The following NLRP1 variants were observed in gnomAD, a reference collection of about 807,000 sequenced individuals.
NLRP1 encodes the protein NLR family pyrin domain containing 1.
A neutral mutation model predicts 136.7 loss-of-function variants in NLRP1; 94 were observed. The ratio of observed to expected loss-of-function variants is 0.69; its 90% CI spans 0.58 to 0.82. The LOEUF is 0.82. Ranked by LOEUF, NLRP1 falls within the 40% of genes least tolerant of loss-of-function variation. The pLI, the probability that NLRP1 is intolerant of heterozygous loss-of-function variation, is 0.00. For missense variants in NLRP1, 1,575 were observed against 1,802.7 expected (o/e 0.87, Z 2.29); for synonymous variants, 690 against 725.1 (o/e 0.95, Z 0.78).
intron 14 of NLRP1, 32 bp downstream of exon 14, chr17:5,520,849 C>T (rs200635619): frequency 2.0e-5 from 30 of 1,517,634 alleles, no homozygotes; most frequent in Admixed American, 3.9e-5. Flanking sequence ...GACTTCTGTT[C>T]GCAGTGAAGA....
chr17:5,527,771 A>C (rs1457653011), intron 12 of NLRP1, among the ~76,000 whole-genome samples: 1 of 152,156 alleles, frequency 6.6e-6, no homozygotes, highest in Non-Finnish European at 1.5e-5. Flanking sequence ...TCCTATTCTG[A>C]TTTGGCTGTC....
At chr17:5,556,115 T>TAA (rs375249216) in intron 4 of NLRP1, among the ~76,000 whole-genome samples, 1 of 119,008 alleles carries the variant, frequency 8.4e-6, no homozygotes, top group Non-Finnish European at 1.7e-5. Context: ...TCTCTCTCTC[T>TAA]ACACACACAC....
intron 8 of NLRP1, among the ~76,000 whole-genome samples, chr17:5,534,784 G>A (rs1910809556): frequency 6.6e-6 from 1 of 152,188 alleles, no homozygotes; most frequent in African/African-American, 2.4e-5. Flanking sequence ...GGGGAAAATG[G>A]AAAGTTTTTA....
Position 5,533,769 on chromosome 17 carries a change from A to T in NLRP1, c.3052+128T>A, listed in dbSNP as rs1347559063. Reference sequence around the variant, plus strand: ...GGAGTGGGAGCTCTCTCGTGGGGGTAGCACCCTCTTGGGTAGGAAACCTGC... The same window carrying T: ...GGAGTGGGAGCTCTCTCGTGGGGGTTGCACCCTCTTGGGTAGGAAACCTGC... On this transcript the variant is annotated intron_variant, in intron 9 of 16. Transcript: ENST00000572272. 2.2e-5 allele frequency: 15 copies of T among 696,816 alleles called. No homozygotes were observed. The East Asian group carries it at 3.3e-4, about 15-fold the overall frequency. The allele number at this position is 696,816 out of a possible 1,614,324, so 43.2% of individuals were successfully genotyped here. A position where few individuals can be genotyped will look rare whatever the true frequency, so the allele number is the denominator to read the frequency against.
At chr17:5,529,517 G>A (rs1275692505) in intron 12 of NLRP1, among the ~76,000 whole-genome samples, 1 of 151,938 alleles carries the variant, frequency 6.6e-6, no homozygotes, top group African/African-American at 2.4e-5. Flanking sequence ...ACAGGCGCCT[G>A]CCGCCACGCC....
intron 3 of NLRP1, among the ~76,000 whole-genome samples, chr17:5,563,448 G>C (rs1428312290): frequency 6.6e-6 from 1 of 152,204 alleles, no homozygotes; most frequent in African/African-American, 2.4e-5. Context: ...ATCTGATAGA[G>C]CTGGAAATCT....
At position 5,534,104 on chromosome 17, in the gene NLRP1, G is replaced by C. The variant is rs896494014; in HGVS notation, c.2961-116C>G. ...GGGTCGGGTGCAGTGGCTCATGTCT[G>C]TAATCCTCGCACTTTGGGAGGCCGG... On this transcript the variant is annotated intron_variant, in intron 8 of 16. Transcript: ENST00000572272. 8.9e-6 allele frequency: 7 copies of C among 782,152 alleles called. No individual in the cohort carries two copies. In the African/African-American group the frequency reaches 1.2e-4, roughly 13 times the overall value. 48.5% of individuals were successfully genotyped at this position (782,152 alleles called of 1,614,324 possible).
chr17:5,550,292 T>C (rs2151789902), intron 5 of NLRP1, among the ~76,000 whole-genome samples: 1 of 152,326 alleles, frequency 6.6e-6, no homozygotes, highest in East Asian at 1.9e-4. Context: ...CTTTAAATAT[T>C]TGGTAGAATT....
At chr17:5,526,872 C>T (rs1414040872) in intron 12 of NLRP1, among the ~76,000 whole-genome samples, 4 of 152,234 alleles carry the variant, frequency 2.6e-5, no homozygotes, top group Non-Finnish European at 4.4e-5. Context: ...CTGAAAGCCT[C>T]AAGCTCTAGC....
chr17:5,555,182 T>C (rs1188755522), intron 4 of NLRP1, among the ~76,000 whole-genome samples: 1 of 152,178 alleles, frequency 6.6e-6, no homozygotes, highest in Non-Finnish European at 1.5e-5. Context: ...TCAAGGTGAC[T>C]GAAAAAAAAT....
chr17:5,547,210 G>T (rs1912783440), intron 5 of NLRP1, among the ~76,000 whole-genome samples: 1 of 151,730 alleles, frequency 6.6e-6, no homozygotes, highest in Admixed American at 6.6e-5. Flanking sequence ...TAAATACATA[G>T]CATACATGAC....
chr17:5,563,787 C>A (rs1323107225), intron 3 of NLRP1, among the ~76,000 whole-genome samples: 1 of 152,212 alleles, frequency 6.6e-6, no homozygotes, highest in African/African-American at 2.4e-5. Context: ...TTGTGAGATA[C>A]TATACAAGAC....
Position 5,581,875 on chromosome 17 carries a change from T to C in NLRP1, c.636A>G (p.Ser212=). Residue 212 remains serine (S), a synonymous_variant, in exon 3 of 17, where the codon TCA becomes TCG. Coordinates refer to ENST00000572272, the MANE Select transcript of NLRP1 (RefSeq NM_033004.4). ...PGTQWPLDET[S]GIYYTEIRER... Reference sequence around the variant, plus strand: ...GGGTCTCACCTGTGTAGTAAATTCCTGACGTTTCATCCAGAGGCCATTGGG... The same window carrying C: ...GGGTCTCACCTGTGTAGTAAATTCCCGACGTTTCATCCAGAGGCCATTGGG... 1 of 1,612,524 alleles carries C rather than the reference T, an allele frequency of 6.2e-7. No individual in the cohort carries two copies. Among genetic ancestry groups the C allele is most frequent in the South Asian group, 1.1e-5 (1 of 91,024 alleles).
chr17:5,568,034 G>A (rs545432007), intron 3 of NLRP1, among the ~76,000 whole-genome samples: 2 of 152,076 alleles, frequency 1.3e-5, no homozygotes, highest in African/African-American at 4.8e-5. Flanking sequence ...AATGCCTTGA[G>A]GTAGTCTACT....
chr17:5,573,449 G>A (rs1236457924), intron 3 of NLRP1, among the ~76,000 whole-genome samples: 1 of 152,200 alleles, frequency 6.6e-6, no homozygotes, highest in Non-Finnish European at 1.5e-5. Flanking sequence ...GTCCCTGTTT[G>A]ACAGCTTTGA....
intron 5 of NLRP1, among the ~76,000 whole-genome samples, chr17:5,543,894 T>C (rs1019461685): frequency 2.0e-5 from 3 of 152,034 alleles, no homozygotes; most frequent in African/African-American, 7.2e-5. Flanking sequence ...GTCAGTTTCA[T>C]TGGTGTACAA....
In NLRP1 at chr17:5,536,960, C is replaced by A. The variant is rs202050589; in HGVS notation, c.2871-20G>T. ...TCCAGCCTGAAAGCACAAAGGGAGC[C>A]GGGTCCTCCTGGGATCCCCCATGTG... On this transcript the variant is annotated intron_variant, in intron 7 of 16. Coordinates refer to ENST00000572272, the MANE Select transcript of NLRP1 (RefSeq NM_033004.4). 1 of 1,584,898 alleles carries A rather than the reference C, an allele frequency of 6.3e-7. No homozygotes were observed. The highest frequency in any genetic ancestry group is 8.7e-7 in the Non-Finnish European group (1 of 1,153,612).
chr17:5,511,780 C>T (rs560904239), downstream of NLRP1, among the ~76,000 whole-genome samples: 6,229 of 140,568 alleles, frequency 0.044, 155 homozygotes, highest in African/African-American at 0.082. Context: ...TCTCTTTCTT[C>T]TTTCTTTCTC....
At chr17:5,556,614 A>G (rs140308958) in intron 4 of NLRP1, among the ~76,000 whole-genome samples, 1 of 148,746 alleles carries the variant, frequency 6.7e-6, no homozygotes, top group East Asian at 1.9e-4. Flanking sequence ...GGGTTCTTAC[A>G]ATTGACCACT....
Sources: gnomAD v4.1 joint callset for allele counts (sites outside exome capture counted in the v4.1 genomes callset) on GRCh38, gnomAD v4.1.1 for gene constraint, MANE v1.5 for transcripts, NCBI Gene and HGNC (gene_info 2026-07-23, HGNC 2026-07-21) for gene names.